Variants in BPTF observed in about 807,000 individuals in gnomAD.
BPTF encodes the protein nucleosome-remodeling factor subunit BPTF.
Under a neutral mutation model 292.5 loss-of-function variants are expected in BPTF, and 18 were observed. The ratio of observed to expected loss-of-function variants is 0.06; its 90% CI spans 0.04 to 0.09. The LOEUF is 0.09. Ranked by LOEUF, BPTF falls within the 10% of genes least tolerant of loss-of-function variation. The pLI is 1.00. For synonymous variants in BPTF, 1,225 were observed against 1,251.9 expected, an observed-to-expected ratio of 0.98 and a Z score of 0.45; for missense variants, 2,726 against 3,498.7, an observed-to-expected ratio of 0.78 and a Z score of 5.57.
At chr17:67,966,100 C>CT (rs1390888970) in intron 25 of BPTF, 2 of 159,492 alleles carry the variant, frequency 1.3e-5, no homozygotes, top group Admixed American at 5.9e-5. Context: ...TGGATTGAAA[C>CT]TTTCTCCTGT....
At chr17:67,907,825 T>C (rs533798694) in intron 9 of BPTF, among the ~76,000 whole-genome samples, 1 of 152,190 alleles carries the variant, frequency 6.6e-6, no homozygotes, top group Non-Finnish European at 1.5e-5. Flanking sequence ...TAACCGTAAT[T>C]AACAAATTAA....
At chr17:67,971,388 C>CT (rs1305837664) in intron 26 of BPTF, among the ~76,000 whole-genome samples, 56 of 151,172 alleles carry the variant, frequency 3.7e-4, no homozygotes, top group East Asian at 3.1e-3. Flanking sequence ...CCATTTTAGG[C>CT]TTTTTTTTAA....
At chr17:67,979,383 C>G (rs1209463515) in intron 27 of BPTF, among the ~76,000 whole-genome samples, 2 of 151,830 alleles carry the variant, frequency 1.3e-5, no homozygotes, top group Non-Finnish European at 2.9e-5. Flanking sequence ...CCTGTCTCTA[C>G]TAAAAGTACA....
At chr17:67,857,907 C>T (rs2058814167) in intron 2 of BPTF, among the ~76,000 whole-genome samples, 1 of 151,630 alleles carries the variant, frequency 6.6e-6, no homozygotes, top group African/African-American at 2.4e-5. Flanking sequence ...CCTGCCTCAG[C>T]CTCCCAAGTA....
In BPTF at chr17:67,959,730, G is replaced by C; in HGVS notation, c.8116G>C (p.Ala2706Pro). ...TGLLSTPTLP[A>P]ASQKRKREEE... ...CCTTCTGTCCACGCCCACCTTACCT[G>C]CTGCTTCCCAGAAGAGGAAGCGGGA... The change falls in exon 24 of 28, where the codon GCT becomes CCT. Residue 2706 changes from alanine to proline, a missense_variant. Around this residue, in one of 22 missense-constraint regions of BPTF, gnomAD observed 148 missense variants for 145.5 expected, o/e 1.02. Coordinates refer to ENST00000306378, the MANE Select transcript of BPTF (RefSeq NM_182641.4). 1 of 1,607,768 alleles carries C rather than the reference G, an allele frequency of 6.2e-7. No homozygotes were observed. Among genetic ancestry groups the C allele is most frequent in the Non-Finnish European group, 8.5e-7 (1 of 1,178,310 alleles).
At chr17:67,920,372 C>T (rs1316237805) in intron 13 of BPTF, among the ~76,000 whole-genome samples, 1 of 152,156 alleles carries the variant, frequency 6.6e-6, no homozygotes, top group Non-Finnish European at 1.5e-5. Context: ...ATAATAATAC[C>T]TCTTGTAATT....
chr17:67,890,746 T>C (rs556603779), intron 4 of BPTF, among the ~76,000 whole-genome samples: 297 of 152,320 alleles, frequency 1.9e-3, no homozygotes, highest in African/African-American at 6.9e-3. Flanking sequence ...ATTGTCTTAA[T>C]TATTTTCCCC....
At position 67,959,772 on chromosome 17, in the gene BPTF, A is replaced by T; in HGVS notation, c.8158A>T (p.Ser2720Cys). The change falls in exon 24 of 28, where the codon AGC becomes TGC. Residue 2720 changes from serine (S) to cysteine (C), a missense_variant. Around this residue, in one of 22 missense-constraint regions of BPTF, gnomAD observed 148 missense variants for 145.5 expected, o/e 1.02. Transcript: ENST00000306378. ...GAAGCGGGAAGAGGAAAAAGACTCC[A>T]GCTCAAAGTCCAAGAAAAAGAAAAT... ...KRKREEEKDSSSKSKKKKMIS... is the reference protein window; with the variant it reads ...KRKREEEKDSCSKSKKKKMIS... 6.2e-7 allele frequency: 1 copy of T among 1,613,630 alleles called. No homozygotes were observed. Among genetic ancestry groups the T allele is most frequent in the Non-Finnish European group, 8.5e-7 (1 of 1,179,714 alleles).
intron 15 of BPTF, among the ~76,000 whole-genome samples, chr17:67,925,112 A>G (rs367595898): frequency 3.4e-4 from 51 of 151,328 alleles, no homozygotes; most frequent in African/African-American, 1.2e-3. Context: ...ATTATTTGAA[A>G]ACAGCTCTGT....
rs1052681108 is a variant in BPTF at position 67,886,193 on chromosome 17, C to G, written c.1865-5651C>G. 6.2e-7 allele frequency: 1 copy of G among 1,613,866 alleles called. No homozygotes were observed. Among genetic ancestry groups the G allele is most frequent in the African/African-American group, 1.3e-5 (1 of 74,922 alleles). ...TACCACTACCTCCATCCAGCCTAAT[C>G]TGGAAAACAGTAACAGCAGCAGTGA... On this transcript the variant is annotated intron_variant, in intron 4 of 27. Transcript: ENST00000306378.
chr17:67,945,757 G>T lies in BPTF; in HGVS notation c.7049G>T (p.Arg2350Leu), dbSNP rs375107621. ...CGTGTCCAAAGTCCATCACAGACTC[G>T]AATACGTCCATCAACTCCATCCCAA... Reference protein sequence around the residue: ...PVRVQSPSQTRIRPSTPSQLS... With the variant: ...PVRVQSPSQTLIRPSTPSQLS... Residue 2350 changes from arginine (R) to leucine (L), a missense_variant, in exon 21 of 28, where the codon CGA becomes CTA. By Grantham distance (102) the Arg-to-Leu change is moderately radical. Around this residue, in one of 22 missense-constraint regions of BPTF, gnomAD observed 570 missense variants for 633.5 expected, o/e 0.90. Coordinates refer to ENST00000306378, the MANE Select transcript of BPTF (RefSeq NM_182641.4). 6.2e-7 allele frequency: 1 copy of T among 1,613,952 alleles called. No individual in the cohort carries two copies. The highest frequency in any genetic ancestry group is 1.3e-5 in the African/African-American group (1 of 74,872).
intron 7 of BPTF, among the ~76,000 whole-genome samples, chr17:67,903,015 T>C (rs561855715): frequency 6.6e-6 from 1 of 152,238 alleles, no homozygotes; most frequent in Non-Finnish European, 1.5e-5. Flanking sequence ...CAGTCTTTAC[T>C]GGTAGGTGCA....
At chr17:67,889,339 C>A (rs145299599) in intron 4 of BPTF, among the ~76,000 whole-genome samples, 1 of 152,180 alleles carries the variant, frequency 6.6e-6, no homozygotes, top group Non-Finnish European at 1.5e-5. Flanking sequence ...TGACTCTGAG[C>A]AGTATTGGAT....
At chr17:67,852,631 T>G (rs915309038) in intron 1 of BPTF, among the ~76,000 whole-genome samples, 1 of 152,262 alleles carries the variant, frequency 6.6e-6, no homozygotes, top group African/African-American at 2.4e-5. Flanking sequence ...TTCATTTGAC[T>G]ATTTATGTAT....
chr17:67,904,219 G>A (rs2062031017), intron 8 of BPTF, among the ~76,000 whole-genome samples: 1 of 149,626 alleles, frequency 6.7e-6, no homozygotes, highest in Non-Finnish European at 1.5e-5. Context: ...AGTAGAGATG[G>A]GGTTTCACCA....
chr17:67,946,929 CATCTT>C (rs1485120190), intron 21 of BPTF, among the ~76,000 whole-genome samples: 1 of 152,154 alleles, frequency 6.6e-6, no homozygotes. Flanking sequence ...TGGCAGAAAC[CATCTT>C]TTCATCTACC....
chr17:67,843,993 G>T (rs542360002), intron 1 of BPTF, among the ~76,000 whole-genome samples: 1 of 148,820 alleles, frequency 6.7e-6, no homozygotes, highest in South Asian at 2.1e-4. Flanking sequence ...TCAAACTCCT[G>T]ACCTCAGGTG....
intron 22 of BPTF, 123 bp from the exon 23 acceptor site, chr17:67,947,958 C>T: frequency 8.0e-7 from 1 of 1,251,918 alleles, no homozygotes; most frequent in South Asian, 1.4e-5. Context: ...TGGTTTGAAC[C>T]ACTCTTGACG....
rs541366983 is a variant in BPTF, at chr17:67,948,011, A to G, written c.7701-70A>G. ...GTTTTTGTCTCATCTGTAGAGGCAT[A>G]GAAGAATGATGTCTTAAGCCTTTCA... On this transcript the variant is annotated intron_variant, in intron 22 of 27. Transcript: ENST00000306378. The G allele has an allele frequency of 4.8e-6, 7 of 1,464,632 alleles. 1 individual carries two copies. The African/African-American group carries it at 5.6e-5, about 12-fold the overall frequency. 90.7% of individuals were successfully genotyped at this position (1,464,632 alleles called of 1,614,324 possible).
Sources: gnomAD v4.1 joint callset for allele counts (sites outside exome capture counted in the v4.1 genomes callset) on GRCh38, gnomAD v4.1.1 for gene constraint, gnomAD v4.1.1 regional missense constraint, MANE v1.5 for transcripts, NCBI Gene and HGNC (gene_info 2026-07-23, HGNC 2026-07-21) for gene names.